The following CDKAL1 variants were observed in gnomAD, a reference collection of about 807,000 sequenced individuals.
The protein encoded by CDKAL1 is CDKAL1 threonylcarbamoyladenosine tRNA methylthiotransferase.
A neutral mutation model predicts 68.2 loss-of-function variants in CDKAL1; 32 were observed. The observed-to-expected ratio is 0.47, with a 90% CI of 0.35 to 0.63. CDKAL1 has a LOEUF of 0.63. Among genes scored for constraint, CDKAL1 ranks in the 30% least tolerant of loss-of-function variants. CDKAL1 has a pLI of 0.00. For synonymous variants in CDKAL1, 234 were observed against 244.3 expected, an observed-to-expected ratio of 0.96 and a Z score of 0.39; for missense variants, 606 against 696.7, an observed-to-expected ratio of 0.87 and a Z score of 1.47.
intron 15 of CDKAL1, among the ~76,000 whole-genome samples, chr6:21,212,413 C>CT (rs1446950734): frequency 1.3e-5 from 2 of 152,158 alleles, no homozygotes; most frequent in Admixed American, 1.3e-4. Flanking sequence ...GCAAAAGCCC[C>CT]TTTTTAAACT....
At chr6:20,977,069 A>G (rs918732256) in intron 10 of CDKAL1, among the ~76,000 whole-genome samples, 1 of 152,210 alleles carries the variant, frequency 6.6e-6, no homozygotes, top group Non-Finnish European at 1.5e-5. Context: ...AAAATTGCCC[A>G]TCATGTATAA....
chr6:21,103,030 AT>A (rs1230675091), intron 12 of CDKAL1, among the ~76,000 whole-genome samples: 2 of 152,250 alleles, frequency 1.3e-5, no homozygotes, highest in East Asian at 3.8e-4. Flanking sequence ...CCTTAAACAT[AT>A]CAAACCCTTT....
intron 9 of CDKAL1, among the ~76,000 whole-genome samples, chr6:20,848,686 C>T (rs1403975080): frequency 2.0e-5 from 3 of 152,050 alleles, no homozygotes; most frequent in Admixed American, 1.3e-4. Flanking sequence ...GCCTTATTAT[C>T]TGTGTATTAG....
At chr6:20,868,390 T>C (rs1411097458) in intron 9 of CDKAL1, among the ~76,000 whole-genome samples, 2 of 152,222 alleles carry the variant, frequency 1.3e-5, no homozygotes, top group Non-Finnish European at 2.9e-5. Context: ...ACACACTAGG[T>C]TGGTACATTC....
intron 13 of CDKAL1, among the ~76,000 whole-genome samples, chr6:21,168,348 A>T (rs895902031): frequency 1.3e-5 from 2 of 152,162 alleles, no homozygotes; most frequent in African/African-American, 4.8e-5. Flanking sequence ...TCAAGATGGG[A>T]TCATTTTCAG....
At chr6:20,846,478 A>G (rs542468044) in intron 9 of CDKAL1, among the ~76,000 whole-genome samples, 2 of 152,324 alleles carry the variant, frequency 1.3e-5, no homozygotes, top group South Asian at 2.1e-4. Flanking sequence ...AATGAAATCC[A>G]TGAGCCTCTG....
At chr6:20,738,493 T>TTG (rs1160956637) in intron 5 of CDKAL1, among the ~76,000 whole-genome samples, 1 of 149,284 alleles carries the variant, frequency 6.7e-6, no homozygotes, top group African/African-American at 2.5e-5. Flanking sequence ...TAGTTTTTTT[T>TTG]TTTTTTTTTT....
At chr6:20,770,187 G>C (rs1399655780) in intron 7 of CDKAL1, among the ~76,000 whole-genome samples, 1 of 151,698 alleles carries the variant, frequency 6.6e-6, no homozygotes, top group Admixed American at 6.6e-5. Flanking sequence ...AGAAAATTCT[G>C]AGTATACTGT....
At chr6:20,760,184 TGCCCAG>T (rs1465649469) in intron 7 of CDKAL1, among the ~76,000 whole-genome samples, 1 of 152,120 alleles carries the variant, frequency 6.6e-6, no homozygotes, top group Non-Finnish European at 1.5e-5. Flanking sequence ...TTTGCCATGT[TGCCCAG>T]GCTGGTCTCG....
intron 11 of CDKAL1, among the ~76,000 whole-genome samples, chr6:21,057,191 A>G (rs1770882313): frequency 6.6e-6 from 1 of 152,096 alleles, no homozygotes; most frequent in African/African-American, 2.4e-5. Context: ...TACTGCCTCA[A>G]TTTCAGAACT....
intron 9 of CDKAL1, among the ~76,000 whole-genome samples, chr6:20,921,051 G>A (rs937219899): frequency 7.2e-5 from 11 of 152,098 alleles, no homozygotes; most frequent in African/African-American, 1.2e-4. Flanking sequence ...TCAACTGGGT[G>A]CAGTCATTGT....
At chr6:21,136,643 C>A (rs1207965531) in intron 13 of CDKAL1, among the ~76,000 whole-genome samples, 1 of 152,162 alleles carries the variant, frequency 6.6e-6, no homozygotes, top group Non-Finnish European at 1.5e-5. Flanking sequence ...ATTGCTCTTT[C>A]TCCTAAGAAC....
intron 9 of CDKAL1, among the ~76,000 whole-genome samples, chr6:20,936,710 A>G (rs886163828): frequency 2.6e-5 from 4 of 152,132 alleles, no homozygotes. Flanking sequence ...TTTTTTATGT[A>G]GTGTGTGAGG....
chr6:20,560,032 G>A (rs191865890), intron 4 of CDKAL1, among the ~76,000 whole-genome samples: 26 of 152,254 alleles, frequency 1.7e-4, no homozygotes, highest in African/African-American at 3.4e-4. Flanking sequence ...TGAACATGTA[G>A]TGTTGGCTCT....
intron 5 of CDKAL1, among the ~76,000 whole-genome samples, chr6:20,732,416 C>A (rs1320193401): frequency 1.9e-4 from 29 of 150,890 alleles, no homozygotes; most frequent in Non-Finnish European, 1.8e-4. Flanking sequence ...GCTGGGATTG[C>A]AGCTGTGCAC....
intron 8 of CDKAL1, among the ~76,000 whole-genome samples, chr6:20,813,692 G>A (rs1313832185): frequency 6.6e-6 from 1 of 152,094 alleles, no homozygotes; most frequent in African/African-American, 2.4e-5. Flanking sequence ...AGCACCATTT[G>A]TTGAAAGATA....
chr6:20,668,041 G>T (rs1240224120), intron 5 of CDKAL1, among the ~76,000 whole-genome samples: 2 of 150,986 alleles, frequency 1.3e-5, no homozygotes, highest in South Asian at 2.1e-4. Context: ...TCTCTCTTTC[G>T]CTTCTTCTCT....
intron 8 of CDKAL1, among the ~76,000 whole-genome samples, chr6:20,789,779 C>T (rs1459509938): frequency 6.6e-6 from 1 of 152,176 alleles, no homozygotes; most frequent in African/African-American, 2.4e-5. Flanking sequence ...ATGGTCAACA[C>T]TTTCTTCAGG....
In CDKAL1 at chr6:20,641,231, C is replaced by G. The variant is rs114601365; in HGVS notation, c.287-8062C>G. 4.6e-3 allele frequency among the ~76,000 whole-genome samples: 695 copies of G among 151,984 alleles called. 9 individuals are homozygous for G. The highest frequency in any genetic ancestry group is 0.016 in the African/African-American group (667 of 41,450). On this transcript the variant is annotated intron_variant, in intron 4 of 15. Coordinates refer to ENST00000274695, the MANE Select transcript of CDKAL1 (RefSeq NM_017774.3). ...GTTCTCACCTTAAAATAAAAGGAAGCTATTGATTCCAAGCTGTATGGAAAG... is the reference window on the plus strand; with the variant it reads ...GTTCTCACCTTAAAATAAAAGGAAGGTATTGATTCCAAGCTGTATGGAAAG...
Sources: gnomAD v4.1 joint callset for allele counts (sites outside exome capture counted in the v4.1 genomes callset) on GRCh38, gnomAD v4.1.1 for gene constraint, MANE v1.5 for transcripts, NCBI Gene and HGNC (gene_info 2026-07-23, HGNC 2026-07-21) for gene names.